The following GRIP2 variants were observed in gnomAD, a reference collection of about 807,000 sequenced individuals.
GRIP2 encodes glutamate receptor interacting protein 2.
A neutral mutation model predicts 108.3 loss-of-function variants in GRIP2; 58 were observed. That is an observed-to-expected ratio of 0.54 (90% CI 0.43 to 0.67). The LOEUF (loss-of-function observed/expected upper bound fraction) is 0.67, where lower values mean the gene tolerates loss of function less well. Among genes scored for constraint, GRIP2 ranks in the 30% least tolerant of loss-of-function variants. GRIP2 has a pLI of 0.00. For missense variants in GRIP2, 1,278 were observed against 1,430.6 expected, an observed-to-expected ratio of 0.89 and a Z score of 1.72; for synonymous variants, 586 against 598.2, an observed-to-expected ratio of 0.98 and a Z score of 0.30.
chr3:14,556,091 C>T (rs942729699), upstream of GRIP2: 3 of 397,808 alleles, frequency 7.5e-6, no homozygotes, highest in Non-Finnish European at 1.3e-5. Flanking sequence ...TCCGCCCTCC[C>T]GGAGTTGCTA....
intron 20 of GRIP2, chr3:14,503,970 A>C (rs1693844851): frequency 2.4e-6 from 1 of 420,960 alleles, no homozygotes. Flanking sequence ...AGAGAGACAG[A>C]GGACAAACAG....
upstream of GRIP2, among the ~76,000 whole-genome samples, chr3:14,561,018 C>G (rs893861598): frequency 6.6e-6 from 1 of 152,200 alleles, no homozygotes; most frequent in African/African-American, 2.4e-5. Context: ...TGCAGGGGCC[C>G]CAGCTGAGCA....
Position 14,525,482 on chromosome 3 carries a change from C to T in GRIP2, c.212G>A (p.Gly71Glu), listed in dbSNP as rs770401713. The T allele has an allele frequency of 6.2e-7, 1 of 1,613,576 alleles. No homozygotes were observed. The highest frequency in any genetic ancestry group is 8.5e-7 in the Non-Finnish European group (1 of 1,179,834). The change falls in exon 3 of 24, where the codon GGA becomes GAA. Residue 71 changes from glycine (G) to glutamate (E), a missense_variant. Coordinates refer to ENST00000621039, the MANE Select transcript of GRIP2 (RefSeq NM_001080423.4). ...LTISGGTDKD[G>E]KPRVSNLRPG... ...TCTCAGGTTGGAGACCCTGGGCTTT[C>T]CATCCTTGTCGGTGCCACCTGAGAT...
At chr3:14,542,158 T>A (rs189718110), upstream of GRIP2, 60 of 1,010,376 alleles carry the variant, frequency 5.9e-5, no homozygotes, top group Admixed American at 2.7e-4. Flanking sequence ...TTTTTATTTT[T>A]TTTATTTTTT....
intron 10 of GRIP2, 42 bp from the exon 11 acceptor site, chr3:14,517,255 C>T (rs978647145): frequency 6.7e-7 from 1 of 1,488,080 alleles, no homozygotes; most frequent in Non-Finnish European, 9.0e-7. Context: ...CCAGCCGAGG[C>T]TCTCCACCCC....
the GRIP2 span, among the ~76,000 whole-genome samples, chr3:14,577,827 G>A: frequency 1.5e-3 from 223 of 152,322 alleles, 2 homozygotes; most frequent in South Asian, 0.043. Context: ...CACAGTGGAT[G>A]CTTAAACAGT....
intron 17 of GRIP2, 76 bp downstream of exon 17, chr3:14,509,744 G>A: frequency 7.7e-7 from 1 of 1,301,084 alleles, no homozygotes; most frequent in Non-Finnish European, 9.9e-7. Context: ...AATCTTGCTT[G>A]GCTTTGCCAT....
Position 14,491,052 on chromosome 3 carries a change from A to G in GRIP2, c.*2613T>C, listed in dbSNP as rs1473472506. 6.6e-6 allele frequency: 1 copy of G among 152,252 alleles called. No individual in the cohort carries two copies. Among genetic ancestry groups the G allele is most frequent in the African/African-American group, 2.4e-5 (1 of 41,464 alleles). 9.4% of individuals were successfully genotyped at this position (152,252 alleles called of 1,614,324 possible). The stretch of plus-strand genomic sequence containing the variant: ...CCCAGGGGCTGGATGATGGAAGCAA[A>G]TGGCAAACTTTTTGAATTAATGAAT... On this transcript the variant is annotated 3_prime_UTR_variant, in exon 24 of 24. Transcript: ENST00000621039.
At position 14,514,492 on chromosome 3, in the gene GRIP2, G is replaced by A. The variant is rs1451436783; in HGVS notation, c.1307-14C>T. The A allele has an allele frequency of 6.5e-7, 1 of 1,540,924 alleles. No homozygotes were observed. Among genetic ancestry groups the A allele is most frequent in the Non-Finnish European group, 8.8e-7 (1 of 1,140,048 alleles). On this transcript the variant is annotated splice_polypyrimidine_tract_variant and intron_variant, in intron 11 of 23. Transcript: ENST00000621039. ...AGGCTAGCGACACTGTAGGACAGGT[G>A]GGCCCAGCATTCAGGTGAGCCGCCC...
At chr3:14,501,265 T>C (rs1693757166) in intron 21 of GRIP2, among the ~76,000 whole-genome samples, 1 of 152,210 alleles carries the variant, frequency 6.6e-6, no homozygotes. Flanking sequence ...TGCTCTGGAA[T>C]TAGATAGTGC....
In GRIP2 at chr3:14,499,020, T is replaced by C. The variant is rs551079730; in HGVS notation, c.2680-2460A>G. ...AAGCGAGTGCCATCTCATTGCTGGA[T>C]AGAGACTGGAAAATGTCTGCCCACA... On this transcript the variant is annotated intron_variant, in intron 21 of 23. Coordinates refer to ENST00000621039, the MANE Select transcript of GRIP2 (RefSeq NM_001080423.4). Among the ~76,000 whole-genome samples the C allele has an allele frequency of 2.0e-5, 3 of 152,226 alleles. No homozygotes were observed. The East Asian group carries it at 5.8e-4, about 29-fold the overall frequency.
At chr3:14,494,815 C>T (rs1307323253) in intron 23 of GRIP2, 28 bp downstream of exon 23, 2 of 1,601,568 alleles carry the variant, frequency 1.2e-6, no homozygotes, top group Non-Finnish European at 1.7e-6. Context: ...ATGCCACCCC[C>T]ACTATGGAGC....
chr3:14,541,870 CACT>C, upstream of GRIP2: 1 of 1,326,642 alleles, frequency 7.5e-7, no homozygotes, highest in Non-Finnish European at 1.0e-6. Context: ...GGGGTACACG[CACT>C]CAATTTGGCC....
upstream of GRIP2, among the ~76,000 whole-genome samples, chr3:14,557,614 T>C (rs4475020): frequency 0.26 from 39,400 of 152,068 alleles, 5,230 homozygotes; most frequent in South Asian, 0.34. Flanking sequence ...AAGCAGGAAG[T>C]GGGCACTTGA....
At chr3:14,558,365 C>T (rs900782656), upstream of GRIP2, among the ~76,000 whole-genome samples, 2 of 152,178 alleles carry the variant, frequency 1.3e-5, no homozygotes, top group Admixed American at 1.3e-4. Flanking sequence ...GGAGGGCAGG[C>T]TGCGTTGCCT....
chr3:14,546,868 A>C (rs573927474), upstream of GRIP2, among the ~76,000 whole-genome samples: 55 of 152,296 alleles, frequency 3.6e-4, no homozygotes, highest in Admixed American at 1.2e-3. Context: ...GTGGGGGGTA[A>C]ACTGAGGCAG....
intron 1 of GRIP2, among the ~76,000 whole-genome samples, chr3:14,537,741 G>A (rs555717668): frequency 5.3e-5 from 8 of 152,332 alleles, no homozygotes; most frequent in African/African-American, 1.9e-4. Context: ...CCCCTCGGAG[G>A]AGTGGGTAGC....
At chr3:14,579,717 C>T in the GRIP2 span, among the ~76,000 whole-genome samples, 1 of 143,282 alleles carries the variant, frequency 7.0e-6, no homozygotes, top group East Asian at 2.0e-4. Flanking sequence ...CCCCAAGCCT[C>T]TGTTTCTGGA....
the GRIP2 span, among the ~76,000 whole-genome samples, chr3:14,599,102 C>T: frequency 5.9e-5 from 9 of 152,328 alleles, no homozygotes; most frequent in Admixed American, 1.3e-4. Context: ...GTCTCCCCCT[C>T]TAGAATGTAA....
Sources: allele counts gnomAD v4.1 joint callset (sites outside exome capture counted in the v4.1 genomes callset), GRCh38; gene constraint gnomAD v4.1.1; transcripts MANE v1.5; gene names NCBI Gene and HGNC (gene_info 2026-07-23, HGNC 2026-07-21).